Variants in PRPSAP2 observed in about 807,000 individuals in gnomAD.
The protein encoded by PRPSAP2 is phosphoribosyl pyrophosphate synthetase associated protein 2, also known as phosphoribosyl pyrophosphate synthase-associated protein 2.
A neutral mutation model predicts 40.6 loss-of-function variants in PRPSAP2; 24 were observed. The observed-to-expected ratio is 0.59, with a 90% CI of 0.43 to 0.83. The LOEUF (loss-of-function observed/expected upper bound fraction) is 0.83. Among genes scored for constraint, PRPSAP2 ranks in the 40% least tolerant of loss-of-function variants. PRPSAP2 has a pLI of 0.00. For missense variants in PRPSAP2, 292 were observed against 465.6 expected, an observed-to-expected ratio of 0.63 and a Z score of 3.43; for synonymous variants, 149 against 164.7, an observed-to-expected ratio of 0.90 and a Z score of 0.73.
chr17:18,923,708 T>G (rs1352849511), intron 9 of PRPSAP2, among the ~76,000 whole-genome samples: 1 of 152,260 alleles, frequency 6.6e-6, no homozygotes, highest in East Asian at 1.9e-4. Context: ...CTTGTCTTGT[T>G]GCTGATCTTA....
At chr17:18,909,297 A>G (rs1267736247) in intron 8 of PRPSAP2, among the ~76,000 whole-genome samples, 4 of 138,024 alleles carry the variant, frequency 2.9e-5, no homozygotes, top group Non-Finnish European at 4.5e-5. Context: ...GCTGGAGTGC[A>G]TTGGCACTAT....
At chr17:18,908,918 C>T (rs534464781) in intron 8 of PRPSAP2, 5 of 418,738 alleles carry the variant, frequency 1.2e-5, no homozygotes, top group African/African-American at 2.1e-5. Flanking sequence ...TCAAATTTTA[C>T]CCTGCCCCTC....
At chr17:18,898,236 A>G (rs573830496) in intron 8 of PRPSAP2, among the ~76,000 whole-genome samples, 66 of 151,934 alleles carry the variant, frequency 4.3e-4, no homozygotes, top group African/African-American at 1.4e-3. Context: ...TGACCTCGCA[A>G]TCTGCCCACC....
chr17:18,912,428 C>G (rs369005657), intron 9 of PRPSAP2, among the ~76,000 whole-genome samples: 2 of 152,196 alleles, frequency 1.3e-5, no homozygotes, highest in African/African-American at 4.8e-5. Flanking sequence ...CACAAAAATT[C>G]AGACCATAGC....
intron 8 of PRPSAP2, among the ~76,000 whole-genome samples, chr17:18,893,912 G>A (rs969251585): frequency 5.3e-5 from 8 of 151,812 alleles, no homozygotes; most frequent in Admixed American, 3.9e-4. Flanking sequence ...CTTGTTGCCC[G>A]GGCTGCACAA....
intron 8 of PRPSAP2, chr17:18,908,725 A>C (rs1316221134): frequency 7.6e-5 from 55 of 724,192 alleles, no homozygotes. Flanking sequence ...ATTCAAAACA[A>C]AGTTTGAAGA....
intron 8 of PRPSAP2, among the ~76,000 whole-genome samples, chr17:18,892,245 T>A (rs1005043188): frequency 6.6e-6 from 1 of 152,196 alleles, no homozygotes; most frequent in Non-Finnish European, 1.5e-5. Flanking sequence ...GACACTTTTT[T>A]TTTTTACCGT....
intron 1 of PRPSAP2, chr17:18,864,786 G>A (rs1262940866): frequency 1.3e-5 from 2 of 152,174 alleles, no homozygotes; most frequent in African/African-American, 2.4e-5. Context: ...ACAGCCTGCT[G>A]GATTGTTGCT....
intron 9 of PRPSAP2, among the ~76,000 whole-genome samples, chr17:18,921,486 C>T (rs1435857646): frequency 1.3e-5 from 2 of 152,084 alleles, no homozygotes; most frequent in Non-Finnish European, 2.9e-5. Flanking sequence ...CACTTTTTTG[C>T]CCTCTCCTGA....
At chr17:18,924,936 A>G (rs1001082009) in intron 10 of PRPSAP2, among the ~76,000 whole-genome samples, 1 of 152,186 alleles carries the variant, frequency 6.6e-6, no homozygotes, top group South Asian at 2.1e-4. Context: ...CCTGGCCAAC[A>G]TGGTGAAACC....
intron 9 of PRPSAP2, among the ~76,000 whole-genome samples, chr17:18,922,661 A>G (rs951413639): frequency 2.4e-4 from 34 of 141,008 alleles, no homozygotes; most frequent in Admixed American, 8.2e-4. Context: ...GCATATATAT[A>G]TATATAATTT....
intron 8 of PRPSAP2, among the ~76,000 whole-genome samples, chr17:18,893,370 C>T (rs972344051): frequency 1.3e-5 from 2 of 151,826 alleles, no homozygotes; most frequent in Non-Finnish European, 1.5e-5. Context: ...AGGCTGGTCT[C>T]GAACTCTTGA....
intron 8 of PRPSAP2, among the ~76,000 whole-genome samples, chr17:18,909,388 C>T (rs751469574): frequency 6.6e-6 from 1 of 151,890 alleles, no homozygotes; most frequent in African/African-American, 2.4e-5. Context: ...ATTACAGGTG[C>T]CTGCCACCCA....
At chr17:18,888,824 T>C (rs1339215641) in intron 7 of PRPSAP2, among the ~76,000 whole-genome samples, 2,274 of 31,160 alleles carry the variant, frequency 0.073, 9 homozygotes, top group Middle Eastern at 0.2. Flanking sequence ...CCAGTAGGGG[T>C]GGCCGGGCAG....
intron 4 of PRPSAP2, among the ~76,000 whole-genome samples, chr17:18,871,707 C>T (rs2037892096): frequency 6.9e-6 from 1 of 144,826 alleles, no homozygotes; most frequent in Non-Finnish European, 1.5e-5. Context: ...GTTGCCCAGG[C>T]TGGAGTGCAA....
At chr17:18,928,668 TG>T in intron 10 of PRPSAP2, 142 bp from the exon 11 acceptor site, 1 of 1,042,996 alleles carries the variant, frequency 9.6e-7, no homozygotes, top group Non-Finnish European at 1.4e-6. Context: ...GATGGGGACA[TG>T]GGGCCATGCC....
chr17:18,899,946 G>A (rs1370707668), intron 8 of PRPSAP2, among the ~76,000 whole-genome samples: 1 of 152,188 alleles, frequency 6.6e-6, no homozygotes, highest in Non-Finnish European at 1.5e-5. Context: ...GAGTACAGTG[G>A]TGTTATCACA....
intron 6 of PRPSAP2, among the ~76,000 whole-genome samples, chr17:18,880,344 C>T (rs372589805): frequency 1.3e-5 from 2 of 152,306 alleles, no homozygotes; most frequent in African/African-American, 2.4e-5. Flanking sequence ...GTGATCGTTA[C>T]AAAGGTGGTG....
intron 4 of PRPSAP2, among the ~76,000 whole-genome samples, chr17:18,869,838 T>TG (rs58195806): frequency 5.0e-5 from 7 of 139,660 alleles, no homozygotes; most frequent in Admixed American, 1.5e-4. Flanking sequence ...TTGCTACTTT[T>TG]TTTTTGTGTG....
Sources: gnomAD v4.1 joint callset for allele counts (sites outside exome capture counted in the v4.1 genomes callset) on GRCh38, gnomAD v4.1.1 for gene constraint, MANE v1.5 for transcripts, NCBI Gene and HGNC (gene_info 2026-07-23, HGNC 2026-07-21) for gene names.